Variants in MYO16 observed in about 807,000 individuals in gnomAD.
MYO16 encodes the protein myosin XVI.
MYO16 carries 94 observed loss-of-function variants against 205.3 expected under a neutral mutation model. The observed-to-expected ratio is 0.46, with a 90% CI of 0.39 to 0.54. The LOEUF is 0.54. MYO16 is among the 20% of genes least tolerant of loss of function. The probability of loss-of-function intolerance (pLI) is 0.00; values close to 1 mark genes in which losing one functional copy is unlikely to be tolerated. For synonymous variants in MYO16, 988 were observed against 954.0 expected (o/e 1.04, Z -0.66); for missense variants, 2,315 against 2,387.5 (o/e 0.97, Z 0.63).
upstream of MYO16, among the ~76,000 whole-genome samples, chr13:108,627,764 T>C (rs552320484): frequency 6.6e-6 from 1 of 152,278 alleles, no homozygotes; most frequent in South Asian, 2.1e-4. Flanking sequence ...AGTGTTATGC[T>C]TTTTTTCAGT....
At chr13:109,183,741 A>G (rs895649782) in intron 34 of MYO16, among the ~76,000 whole-genome samples, 7 of 152,188 alleles carry the variant, frequency 4.6e-5, no homozygotes, top group African/African-American at 1.7e-4. Context: ...ATGCATATTG[A>G]TCATATTCAG....
At chr13:108,750,566 C>T (rs1242401174) in intron 4 of MYO16, among the ~76,000 whole-genome samples, 3 of 142,988 alleles carry the variant, frequency 2.1e-5, no homozygotes, top group Admixed American at 7.2e-5. Context: ...GTCAGGAGTT[C>T]GAGACTGGCC....
intron 13 of MYO16, among the ~76,000 whole-genome samples, chr13:108,887,735 G>A (rs892301720): frequency 1.3e-5 from 2 of 152,188 alleles, no homozygotes; most frequent in South Asian, 4.1e-4. Context: ...GGTTTAGTAG[G>A]ATCTGCGGAA....
chr13:108,497,259 C>T, the MYO16 span, among the ~76,000 whole-genome samples: 1 of 152,160 alleles, frequency 6.6e-6, no homozygotes, highest in South Asian at 2.1e-4. Flanking sequence ...ATTACATTTT[C>T]CTCTTAGTAT....
intron 34 of MYO16, among the ~76,000 whole-genome samples, chr13:109,201,991 A>G (rs1880413183): frequency 6.6e-6 from 1 of 151,708 alleles, no homozygotes; most frequent in Admixed American, 6.6e-5. Flanking sequence ...CACACACATC[A>G]TATATCTATA....
chr13:109,022,347 CAA>C (rs1886074794), intron 23 of MYO16, among the ~76,000 whole-genome samples: 2 of 42,644 alleles, frequency 4.7e-5, no homozygotes, highest in East Asian at 1.6e-3. Flanking sequence ...ATATTATATA[CAA>C]ATATATATGT....
chr13:108,871,441 A>G (rs182743051), intron 12 of MYO16, among the ~76,000 whole-genome samples: 13 of 151,938 alleles, frequency 8.6e-5, no homozygotes, highest in African/African-American at 3.1e-4. Flanking sequence ...AACTTTCCAT[A>G]TAAAAAAACC....
intron 4 of MYO16, among the ~76,000 whole-genome samples, chr13:108,734,223 T>C (rs1342692673): frequency 6.6e-6 from 1 of 151,994 alleles, no homozygotes; most frequent in Non-Finnish European, 1.5e-5. Flanking sequence ...TATACATATA[T>C]TATTAAAAAA....
At chr13:108,825,101 TAAAAAG>T (rs1293025009) in intron 9 of MYO16, among the ~76,000 whole-genome samples, 2 of 151,984 alleles carry the variant, frequency 1.3e-5, no homozygotes, top group Non-Finnish European at 2.9e-5. Flanking sequence ...AAATATCAGA[TAAAAAG>T]AAAACAACAA....
chr13:108,845,270 C>A (rs1298970116), intron 10 of MYO16, among the ~76,000 whole-genome samples: 1 of 152,126 alleles, frequency 6.6e-6, no homozygotes, highest in Non-Finnish European at 1.5e-5. Flanking sequence ...AACAAAACAT[C>A]TGAAACACTT....
At chr13:108,802,318 A>G (rs1406843777) in intron 6 of MYO16, among the ~76,000 whole-genome samples, 2 of 152,110 alleles carry the variant, frequency 1.3e-5, no homozygotes, top group Non-Finnish European at 2.9e-5. Flanking sequence ...TTTAGATTTC[A>G]CTTAGAAGCG....
In MYO16 at chr13:109,140,601, C is replaced by A. The variant is rs1351763934; in HGVS notation, c.4389C>A (p.Asp1463Glu). Residue 1463 changes from aspartate (D) to glutamate (E), a missense_variant, in exon 32 of 35, where the codon GAC becomes GAA. This residue lies in a region of MYO16 where 1,097 missense variants were observed against 1,092.0 expected (regional missense o/e 1.00). Coordinates refer to ENST00000457511, the MANE Select transcript of MYO16 (RefSeq NM_001198950.3). The surrounding 1 kb of genome is among the most constrained non-coding windows in gnomAD (Gnocchi z 8.0). ...VYEEMKCCLP[D>E]DGGPGAGSFL... Reference sequence around the variant, plus strand: ...AGGAGATGAAGTGTTGCCTGCCCGACGACGGCGGCCCGGGCGCGGGCTCCT... The same window carrying A: ...AGGAGATGAAGTGTTGCCTGCCCGAAGACGGCGGCCCGGGCGCGGGCTCCT... The A allele has an allele frequency of 1.3e-6, 2 of 1,520,464 alleles. No homozygotes were observed. The highest frequency in any genetic ancestry group is 2.0e-5 in the Admixed American group (1 of 48,896). 94.2% of individuals were successfully genotyped at this position (1,520,464 alleles called of 1,614,324 possible). A position where few individuals can be genotyped will look rare whatever the true frequency, so the allele number is the denominator to read the frequency against.
intron 34 of MYO16, among the ~76,000 whole-genome samples, chr13:109,198,260 C>A (rs1364536588): frequency 1.3e-5 from 2 of 152,064 alleles, no homozygotes; most frequent in African/African-American, 2.4e-5. Flanking sequence ...AAAAAGATAT[C>A]ATGAATATAT....
chr13:108,917,938 T>G (rs1881571268), intron 16 of MYO16, among the ~76,000 whole-genome samples: 1 of 152,264 alleles, frequency 6.6e-6, no homozygotes, highest in Non-Finnish European at 1.5e-5. Flanking sequence ...TGTGGAAGAT[T>G]ATAATTGATT....
chr13:108,997,338 AAGAGAGAGAG>A (rs869174444), intron 21 of MYO16, among the ~76,000 whole-genome samples: 5 of 5,542 alleles, frequency 9.0e-4, no homozygotes, highest in African/African-American at 1.4e-3. Flanking sequence ...GAAAGAAAGA[AAGAGAGAGAG>A]AGAGAGAGAG....
At chr13:109,023,619 A>G (rs1456917064) in intron 23 of MYO16, among the ~76,000 whole-genome samples, 3 of 124,150 alleles carry the variant, frequency 2.4e-5, no homozygotes, top group African/African-American at 9.6e-5. Context: ...TTATATATAC[A>G]AATATATAGA....
Position 109,125,490 on chromosome 13 carries a change from G to A in MYO16, c.3782+132G>A, listed in dbSNP as rs997867519. 5.7e-6 allele frequency: 7 copies of A among 1,237,504 alleles called. No individual in the cohort carries two copies. The South Asian group carries it at 1.1e-4, about 19-fold the overall frequency. 76.7% of individuals were successfully genotyped at this position (1,237,504 alleles called of 1,614,324 possible). On this transcript the variant is annotated intron_variant, in intron 30 of 34. Coordinates refer to ENST00000457511, the MANE Select transcript of MYO16 (RefSeq NM_001198950.3). This position sits in a 1 kb window ranked among gnomAD's most constrained non-coding sequence, Gnocchi z 4.0. ...TTGCAGGAACAGGCATGCGTGGTTTGTTATTCGAAATGGCAGCAGTCTAAA... is the reference window on the plus strand; with the variant it reads ...TTGCAGGAACAGGCATGCGTGGTTTATTATTCGAAATGGCAGCAGTCTAAA...
At chr13:108,737,723 C>T (rs1014862096) in intron 4 of MYO16, among the ~76,000 whole-genome samples, 1 of 152,180 alleles carries the variant, frequency 6.6e-6, no homozygotes, top group Admixed American at 6.5e-5. Context: ...ACCAGCTCCT[C>T]CTTGTACCTC....
At chr13:108,633,020 CT>C (rs752910100) in intron 1 of MYO16, among the ~76,000 whole-genome samples, 3 of 152,288 alleles carry the variant, frequency 2.0e-5, no homozygotes, top group Non-Finnish European at 4.4e-5. Flanking sequence ...ACCTATTTCT[CT>C]CCTGGTTCAG....
Sources: gnomAD v4.1 joint callset for allele counts (sites outside exome capture counted in the v4.1 genomes callset) on GRCh38, gnomAD v4.1.1 for gene constraint, gnomAD v4.1.1 regional missense constraint, Gnocchi (gnomAD v3.1) non-coding constraint, MANE v1.5 for transcripts, NCBI Gene and HGNC (gene_info 2026-07-23, HGNC 2026-07-21) for gene names.